ARID1B: variants seen among roughly 807,000 people sequenced by gnomAD.
ARID1B encodes the protein AT-rich interaction domain 1B, also known as AT-rich interactive domain-containing protein 1B.
A neutral mutation model predicts 212.3 loss-of-function variants in ARID1B; 30 were observed. The ratio of observed to expected loss-of-function variants is 0.14; its 90% CI spans 0.11 to 0.19. The LOEUF (loss-of-function observed/expected upper bound fraction) is 0.19, where lower values mean the gene tolerates loss of function less well. ARID1B is among the 10% of genes least tolerant of loss of function. The probability of loss-of-function intolerance (pLI) is 1.00; values close to 1 mark genes in which losing one functional copy is unlikely to be tolerated. For missense variants in ARID1B, 2,891 were observed against 3,204.0 expected (o/e 0.90, Z 2.36); for synonymous variants, 1,402 against 1,301.7 (o/e 1.08, Z -1.66).
At chr6:157,202,305 A>C (rs1794164486) in intron 18 of ARID1B, among the ~76,000 whole-genome samples, 1 of 152,256 alleles carries the variant, frequency 6.6e-6, no homozygotes, top group Non-Finnish European at 1.5e-5. Context: ...GGAAGATAAT[A>C]GATCTGAGTT....
rs114845209 is a variant in ARID1B at position 156,966,796 on chromosome 6, G to A, written c.2247+31220G>A. Among the ~76,000 whole-genome samples, 883 of 152,322 alleles carry A rather than the reference G, an allele frequency of 5.8e-3. 6 individuals are homozygous for A. The highest frequency in any genetic ancestry group is 0.02 in the African/African-American group (831 of 41,568). On this transcript the variant is annotated intron_variant, in intron 4 of 19. Coordinates refer to ENST00000636930, the MANE Select transcript of ARID1B (RefSeq NM_001374828.1). Reference sequence around the variant, plus strand: ...GCTCACTGCATCCTCCGCCTTTCGGGTTCAAGCGTTTCTCCTGCCTTAGCC... The same window carrying A: ...GCTCACTGCATCCTCCGCCTTTCGGATTCAAGCGTTTCTCCTGCCTTAGCC...
At chr6:157,061,574 GAA>G (rs202208557) in intron 4 of ARID1B, among the ~76,000 whole-genome samples, 3 of 126,576 alleles carry the variant, frequency 2.4e-5, no homozygotes, top group African/African-American at 2.9e-5. Context: ...GTCAGATTTA[GAA>G]AAAAAAAAAA....
chr6:156,963,502 CATATGGA>C (rs1354031629), intron 4 of ARID1B, among the ~76,000 whole-genome samples: 1 of 152,106 alleles, frequency 6.6e-6, no homozygotes, highest in Non-Finnish European at 1.5e-5. Context: ...GCATAGTATT[CATATGGA>C]ATAAGCCTGT....
chr6:156,818,885 T>G (rs1341712649), intron 1 of ARID1B, among the ~76,000 whole-genome samples: 1 of 152,126 alleles, frequency 6.6e-6, no homozygotes, highest in Admixed American at 6.5e-5. Flanking sequence ...CATGCCTCAT[T>G]GATTATTCTG....
At chr6:157,155,125 AC>A (rs1326938080) in intron 8 of ARID1B, among the ~76,000 whole-genome samples, 4 of 152,312 alleles carry the variant, frequency 2.6e-5, no homozygotes, top group Middle Eastern at 3.4e-3. Flanking sequence ...TGTAGACTCC[AC>A]GTGCAGCTCA....
At chr6:157,178,244 C>A (rs1792242849) in intron 11 of ARID1B, among the ~76,000 whole-genome samples, 2 of 152,118 alleles carry the variant, frequency 1.3e-5, no homozygotes, top group South Asian at 2.1e-4. Flanking sequence ...GTTTCACACC[C>A]TTTTTGTCCA....
intron 7 of ARID1B, among the ~76,000 whole-genome samples, chr6:157,139,607 G>C (rs141937806): frequency 6.6e-6 from 1 of 152,120 alleles, no homozygotes; most frequent in Non-Finnish European, 1.5e-5. Flanking sequence ...ATGGTTAGAC[G>C]CATTCGGTTC....
intron 4 of ARID1B, among the ~76,000 whole-genome samples, chr6:157,039,882 T>TCTTC (rs146558678): frequency 0.24 from 15,629 of 66,474 alleles, 1,909 homozygotes; most frequent in South Asian, 0.29. Flanking sequence ...CTTTCTTTTC[T>TCTTC]CTTCCTTCCT....
At chr6:157,192,751 T>C (rs1398109735) in intron 15 of ARID1B, among the ~76,000 whole-genome samples, 1 of 152,226 alleles carries the variant, frequency 6.6e-6, no homozygotes, top group Non-Finnish European at 1.5e-5. Context: ...TGCCTTACGG[T>C]ATTGATGTAT....
intron 2 of ARID1B, among the ~76,000 whole-genome samples, chr6:156,888,431 C>G (rs1347677879): frequency 6.6e-6 from 1 of 152,202 alleles, no homozygotes; most frequent in Admixed American, 6.5e-5. Context: ...CCCTGCTGTT[C>G]TAACATGTGT....
At chr6:157,068,723 T>C (rs1482989308) in intron 4 of ARID1B, among the ~76,000 whole-genome samples, 1 of 152,346 alleles carries the variant, frequency 6.6e-6, no homozygotes, top group East Asian at 1.9e-4. Flanking sequence ...TGTTAGAGAA[T>C]GCATTTAACT....
chr6:157,132,818 C>T (rs1033071449), intron 6 of ARID1B, among the ~76,000 whole-genome samples: 3 of 152,156 alleles, frequency 2.0e-5, no homozygotes, highest in African/African-American at 7.2e-5. Context: ...TGGGAATCCT[C>T]TTGGGAATTC....
intron 4 of ARID1B, among the ~76,000 whole-genome samples, chr6:157,041,832 C>T (rs1781896166): frequency 6.6e-6 from 1 of 152,178 alleles, no homozygotes; most frequent in Non-Finnish European, 1.5e-5. Flanking sequence ...TCCCCATCTT[C>T]TTAGCCACCA....
chr6:157,134,087 C>G (rs1788739738), intron 7 of ARID1B, among the ~76,000 whole-genome samples: 1 of 152,146 alleles, frequency 6.6e-6, no homozygotes, highest in Non-Finnish European at 1.5e-5. Flanking sequence ...CAGGAACATT[C>G]CAGGTGAAGA....
At chr6:157,086,502 C>G (rs1784977159) in intron 5 of ARID1B, among the ~76,000 whole-genome samples, 1 of 152,170 alleles carries the variant, frequency 6.6e-6, no homozygotes, top group South Asian at 2.1e-4. Context: ...AGAGCTTACT[C>G]TTTCATTCTA....
chr6:156,844,003 A>G (rs758173118), intron 2 of ARID1B, among the ~76,000 whole-genome samples: 1 of 152,082 alleles, frequency 6.6e-6, no homozygotes, highest in Non-Finnish European at 1.5e-5. Context: ...CTGGGGAGAG[A>G]GGCATGTGTT....
At chr6:157,163,565 C>T (rs1791099686) in intron 8 of ARID1B, among the ~76,000 whole-genome samples, 1 of 152,234 alleles carries the variant, frequency 6.6e-6, no homozygotes, top group African/African-American at 2.4e-5. Flanking sequence ...CCCAGACAGG[C>T]ACCCACTGCT....
chr6:157,033,379 T>G (rs1181594881), intron 4 of ARID1B, among the ~76,000 whole-genome samples: 1 of 152,206 alleles, frequency 6.6e-6, no homozygotes, highest in Admixed American at 6.5e-5. Context: ...TGATACTGAT[T>G]TTAGAACTAT....
intron 1 of ARID1B, among the ~76,000 whole-genome samples, chr6:156,799,991 AC>A (rs1780665521): frequency 1.3e-5 from 2 of 151,694 alleles, no homozygotes; most frequent in African/African-American, 2.4e-5. Context: ...CGGAACCCTC[AC>A]CCCCACCCCT....
Sources: allele counts gnomAD v4.1 joint callset (sites outside exome capture counted in the v4.1 genomes callset), GRCh38; gene constraint gnomAD v4.1.1; transcripts MANE v1.5; gene names NCBI Gene and HGNC (gene_info 2026-07-23, HGNC 2026-07-21).